C19orf47: variants seen among roughly 807,000 people sequenced by gnomAD.
C19orf47 encodes the protein uncharacterized protein C19orf47.
Under a neutral mutation model 32.3 loss-of-function variants are expected in C19orf47, and 18 were observed. That is an observed-to-expected ratio of 0.56 (90% CI 0.39 to 0.83). C19orf47 has a LOEUF of 0.83. Ranked by LOEUF, C19orf47 falls within the 40% of genes least tolerant of loss-of-function variation. The pLI, the probability that C19orf47 is intolerant of heterozygous loss-of-function variation, is 0.00. For missense variants in C19orf47, 484 were observed against 531.6 expected (o/e 0.91, Z 0.88); for synonymous variants, 202 against 211.1 (o/e 0.96, Z 0.37).
Position 40,328,498 on chromosome 19 carries a change from T to C in C19orf47, c.354A>G (p.Thr118=). ...TGCTGGTGTCCGGGCGCCTGGGGGGTGTGCTGGGTGGAGAGTCATGGTTCA... is the reference window on the plus strand; with the variant it reads ...TGCTGGTGTCCGGGCGCCTGGGGGGCGTGCTGGGTGGAGAGTCATGGTTCA... The part of the protein sequence containing the change: ...NSLNHDSPPS[T]PPRRPDTSTS... Residue 118 remains threonine, a synonymous_variant, in exon 6 of 9, where the codon ACA becomes ACG. Coordinates refer to ENST00000683109, the MANE Select transcript of C19orf47 (RefSeq NM_001256441.2). 1 of 1,609,102 alleles carries C rather than the reference T, an allele frequency of 6.2e-7. No homozygotes were observed. The highest frequency in any genetic ancestry group is 8.5e-7 in the Non-Finnish European group (1 of 1,178,036).
chr19:40,341,645 TCAGG>T, intron 2 of C19orf47, 190 bp downstream of exon 2: 1 of 753,898 alleles, frequency 1.3e-6, no homozygotes, highest in Non-Finnish European at 2.1e-6. Context: ...AACTATACAG[TCAGG>T]AGAGAGATCC....
intron 1 of C19orf47, among the ~76,000 whole-genome samples, chr19:40,346,655 T>C (rs566731733): frequency 1.2e-3 from 175 of 150,758 alleles, no homozygotes; most frequent in African/African-American, 4.1e-3. Flanking sequence ...GCCTCCCAAG[T>C]AGCTGGGATT....
the C19orf47 span, among the ~76,000 whole-genome samples, chr19:40,294,215 C>G: frequency 6.6e-6 from 1 of 152,198 alleles, no homozygotes; most frequent in African/African-American, 2.4e-5. Context: ...AGGACTGCTT[C>G]AGCAGCAGGC....
chr19:40,297,763 A>G, the C19orf47 span, among the ~76,000 whole-genome samples: 3,341 of 151,354 alleles, frequency 0.022, 40 homozygotes, highest in Middle Eastern at 0.052. Context: ...ACTCCCAGCT[A>G]CTCAGAAGGC....
chr19:40,293,552 G>A, the C19orf47 span, among the ~76,000 whole-genome samples: 4 of 151,640 alleles, frequency 2.6e-5, no homozygotes, highest in Non-Finnish European at 2.9e-5. Context: ...TGCAACCTCC[G>A]CTTCCCGGGT....
At chr19:40,298,937 G>A in the C19orf47 span, among the ~76,000 whole-genome samples, 1 of 14,640 alleles carries the variant, frequency 6.8e-5, no homozygotes, top group African/African-American at 4.0e-4. Context: ...TTAAAAATGA[G>A]AGTGAATTTA....
the C19orf47 span, among the ~76,000 whole-genome samples, chr19:40,309,469 G>A: frequency 1.3e-5 from 2 of 152,100 alleles, no homozygotes; most frequent in Admixed American, 6.6e-5. Context: ...GATTACAGGC[G>A]GGAGCCACCG....
chr19:40,329,400 G>A (rs1481187946), intron 5 of C19orf47, among the ~76,000 whole-genome samples: 1 of 152,122 alleles, frequency 6.6e-6, no homozygotes, highest in East Asian at 1.9e-4. Flanking sequence ...CAGATACTCA[G>A]GAGGCTGAGG....
intron 8 of C19orf47, 83 bp from the exon 9 acceptor site, chr19:40,322,459 C>T: frequency 7.1e-7 from 1 of 1,417,760 alleles, no homozygotes; most frequent in Non-Finnish European, 9.3e-7. Flanking sequence ...TGTGCCTGGC[C>T]TCCTGGGACT....
downstream of C19orf47, among the ~76,000 whole-genome samples, chr19:40,319,014 G>A (rs2077682039): frequency 6.6e-6 from 1 of 152,166 alleles, no homozygotes; most frequent in Non-Finnish European, 1.5e-5. Context: ...GCTCACACCT[G>A]TAATCCCAGC....
At chr19:40,346,662 G>C (rs1480240143) in intron 1 of C19orf47, among the ~76,000 whole-genome samples, 1 of 151,036 alleles carries the variant, frequency 6.6e-6, no homozygotes, top group Non-Finnish European at 1.5e-5. Context: ...AAGTAGCTGG[G>C]ATTACAGGCC....
the C19orf47 span, among the ~76,000 whole-genome samples, chr19:40,295,508 C>T: frequency 6.6e-6 from 1 of 151,948 alleles, no homozygotes; most frequent in South Asian, 2.1e-4. Flanking sequence ...GGTCTCAGCT[C>T]ACTGCAACCT....
the C19orf47 span, among the ~76,000 whole-genome samples, chr19:40,303,509 G>A: frequency 3.7e-5 from 5 of 136,968 alleles, no homozygotes; most frequent in Admixed American, 1.6e-4. Context: ...GCAACAGAGC[G>A]AGACTCTCAA....
chr19:40,334,310 C>T (rs918370397), intron 4 of C19orf47, among the ~76,000 whole-genome samples: 1 of 152,036 alleles, frequency 6.6e-6, no homozygotes, highest in Admixed American at 6.6e-5. Flanking sequence ...ACTAGCCAAG[C>T]ATGGTGTCAC....
the C19orf47 span, among the ~76,000 whole-genome samples, chr19:40,311,057 G>GC: frequency 6.6e-6 from 1 of 151,984 alleles, no homozygotes; most frequent in Non-Finnish European, 1.5e-5. Flanking sequence ...GGGCAACATA[G>GC]CAAGCCCCCT....
chr19:40,296,730 A>G, the C19orf47 span, among the ~76,000 whole-genome samples: 2 of 151,686 alleles, frequency 1.3e-5, no homozygotes, highest in Non-Finnish European at 2.9e-5. Context: ...CCTGGCCAAC[A>G]TGGTGAAACC....
At chr19:40,324,584 G>A (rs1421097051) in intron 7 of C19orf47, 1 of 159,100 alleles carries the variant, frequency 6.3e-6, no homozygotes, top group Non-Finnish European at 1.4e-5. Flanking sequence ...CATGGGCCAG[G>A]CATGGCAGGG....
chr19:40,321,683 A>C lies in C19orf47; in HGVS notation c.*199T>G. The C allele has an allele frequency of 7.1e-7, 1 of 1,405,494 alleles. No individual in the cohort carries two copies. Among genetic ancestry groups the C allele is most frequent in the Non-Finnish European group, 9.2e-7 (1 of 1,086,046 alleles). The allele number at this position is 1,405,494 out of a possible 1,614,324, so 87.1% of individuals were successfully genotyped here. On this transcript the variant is annotated 3_prime_UTR_variant, in exon 9 of 9. Coordinates refer to ENST00000683109, the MANE Select transcript of C19orf47 (RefSeq NM_001256441.2). ...CATGAGAGAAGGGGAGTCCTGGAGC[A>C]GGCCAGGCCAGCTGCGACGACCATC...
At chr19:40,303,227 T>TAA in the C19orf47 span, among the ~76,000 whole-genome samples, 2 of 130,338 alleles carry the variant, frequency 1.5e-5, no homozygotes, top group East Asian at 4.5e-4. Context: ...AAACTCCATC[T>TAA]AAAAAAAAAA....
Sources: allele counts gnomAD v4.1 joint callset (sites outside exome capture counted in the v4.1 genomes callset), GRCh38; gene constraint gnomAD v4.1.1; transcripts MANE v1.5; gene names NCBI Gene and HGNC (gene_info 2026-07-23, HGNC 2026-07-21).